Variants in AGMO observed in about 807,000 individuals in gnomAD.
The protein encoded by AGMO is alkylglycerol monooxygenase.
AGMO carries 75 observed loss-of-function variants against 60.2 expected under a neutral mutation model. That is an observed-to-expected ratio of 1.25 (90% confidence interval 1.03 to 1.51). The LOEUF is 1.51. Among genes scored for constraint, AGMO ranks in the 40% most tolerant of loss-of-function variants. AGMO has a pLI of 0.00. For missense variants in AGMO, 763 were observed against 525.5 expected (o/e 1.45, Z -4.42); for synonymous variants, 261 against 177.1 (o/e 1.47, Z -3.76).
chr7:15,211,419 G>A (rs1781585332), intron 12 of AGMO, among the ~76,000 whole-genome samples: 1 of 151,910 alleles, frequency 6.6e-6, no homozygotes, highest in South Asian at 2.1e-4. Context: ...TAAAGCTGCG[G>A]CTATATGATA....
intron 12 of AGMO, among the ~76,000 whole-genome samples, chr7:15,273,056 A>T (rs1016353543): frequency 5.3e-5 from 8 of 151,810 alleles, no homozygotes; most frequent in African/African-American, 1.7e-4. Flanking sequence ...GATTGCAAAA[A>T]TTTTCTCCCA....
intron 12 of AGMO, among the ~76,000 whole-genome samples, chr7:15,232,017 C>T (rs899603308): frequency 1.3e-5 from 2 of 152,098 alleles, no homozygotes; most frequent in African/African-American, 2.4e-5. Context: ...CATATTTCTC[C>T]CCAAAGTCAT....
intron 12 of AGMO, among the ~76,000 whole-genome samples, chr7:15,349,641 G>C (rs1343178122): frequency 6.6e-6 from 1 of 152,048 alleles, no homozygotes; most frequent in Non-Finnish European, 1.5e-5. Flanking sequence ...CTGCTATGAA[G>C]AAAAATACTC....
intron 12 of AGMO, among the ~76,000 whole-genome samples, chr7:15,208,272 A>G (rs1259190351): frequency 6.6e-6 from 1 of 152,184 alleles, no homozygotes; most frequent in Admixed American, 6.5e-5. Flanking sequence ...TCAAATTAAT[A>G]AAGGACCAAA....
chr7:15,426,360 A>T (rs1432641505), intron 4 of AGMO, among the ~76,000 whole-genome samples: 1 of 152,188 alleles, frequency 6.6e-6, no homozygotes, highest in African/African-American at 2.4e-5. Flanking sequence ...GAAAGTTTAT[A>T]GGCCAACATA....
chr7:15,344,625 G>T (rs751059125), intron 12 of AGMO, among the ~76,000 whole-genome samples: 1 of 152,128 alleles, frequency 6.6e-6, no homozygotes, highest in Non-Finnish European at 1.5e-5. Context: ...TGGAGCTTGG[G>T]AAGTTGAGGC....
Position 15,351,205 on chromosome 7 carries a change from G to A in AGMO, c.1263+14309C>T, listed in dbSNP as rs77422975. ...GGCAAATGTCTGCATAATGGGAAAG[G>A]GTCCTCATGAAAATGCAAATTTAAA... On this transcript the variant is annotated intron_variant, in intron 12 of 12. Transcript: ENST00000342526. 1.9e-3 allele frequency among the ~76,000 whole-genome samples: 290 copies of A among 152,034 alleles called. 5 individuals are homozygous for A. In the East Asian group the frequency reaches 0.047, roughly 25 times the overall value.
intron 12 of AGMO, among the ~76,000 whole-genome samples, chr7:15,235,526 T>C (rs1438101959): frequency 2.0e-5 from 3 of 152,180 alleles, no homozygotes; most frequent in Non-Finnish European, 4.4e-5. Flanking sequence ...ATGCTGTTCA[T>C]AGACGACTAA....
intron 12 of AGMO, among the ~76,000 whole-genome samples, chr7:15,304,320 C>T (rs1466825277): frequency 6.6e-6 from 1 of 152,090 alleles, no homozygotes; most frequent in Non-Finnish European, 1.5e-5. Flanking sequence ...AGGTCTTCTC[C>T]ACAGAGCCCC....
intron 3 of AGMO, among the ~76,000 whole-genome samples, chr7:15,538,334 G>T (rs1476230251): frequency 6.6e-6 from 1 of 152,100 alleles, no homozygotes; most frequent in Non-Finnish European, 1.5e-5. Flanking sequence ...CTGGGCTCAG[G>T]TGATCTTACT....
intron 12 of AGMO, among the ~76,000 whole-genome samples, chr7:15,260,941 G>A (rs1049830251): frequency 1.3e-5 from 2 of 151,766 alleles, no homozygotes; most frequent in African/African-American, 4.8e-5. Context: ...AAATCAAGAT[G>A]GAAATAAAAA....
chr7:15,439,840 G>C (rs1364990530), intron 3 of AGMO, among the ~76,000 whole-genome samples: 1 of 152,158 alleles, frequency 6.6e-6, no homozygotes, highest in Non-Finnish European at 1.5e-5. Flanking sequence ...CAAGGAGGAA[G>C]AGCAAGAACT....
At chr7:15,354,461 CGTGTGTGTAT>C (rs1782422995) in intron 12 of AGMO, among the ~76,000 whole-genome samples, 1 of 16,422 alleles carries the variant, frequency 6.1e-5, no homozygotes, top group Non-Finnish European at 9.9e-5. Flanking sequence ...TGTATACACA[CGTGTGTGTAT>C]ACACACGTGT....
intron 12 of AGMO, among the ~76,000 whole-genome samples, chr7:15,325,542 T>C (rs567939139): frequency 1.2e-4 from 18 of 152,228 alleles, no homozygotes; most frequent in Admixed American, 5.9e-4. Context: ...TACACACCTA[T>C]ACATGCACAC....
chr7:15,136,720 A>C, the AGMO span, among the ~76,000 whole-genome samples: 3 of 151,978 alleles, frequency 2.0e-5, no homozygotes, highest in Non-Finnish European at 4.4e-5. Context: ...AATTCCTAAT[A>C]GGACCGCCTT....
chr7:15,313,779 T>A (rs534377117), intron 12 of AGMO, among the ~76,000 whole-genome samples: 181 of 152,028 alleles, frequency 1.2e-3, no homozygotes, highest in African/African-American at 4.2e-3. Context: ...TAAAGTTTAA[T>A]TTATAGACAT....
At chr7:15,392,557 T>G (rs562825948) in intron 6 of AGMO, among the ~76,000 whole-genome samples, 1 of 152,054 alleles carries the variant, frequency 6.6e-6, no homozygotes, top group African/African-American at 2.4e-5. Flanking sequence ...TCCCAGCACT[T>G]TGGGAGGCCA....
intron 4 of AGMO, among the ~76,000 whole-genome samples, chr7:15,423,791 A>G (rs2128495916): frequency 6.6e-6 from 1 of 152,204 alleles, no homozygotes; most frequent in African/African-American, 2.4e-5. Context: ...GCAAACCACC[A>G]GTATTTAGGT....
At chr7:15,216,045 C>T (rs1304552120) in intron 12 of AGMO, among the ~76,000 whole-genome samples, 1 of 152,000 alleles carries the variant, frequency 6.6e-6, no homozygotes, top group Non-Finnish European at 1.5e-5. Flanking sequence ...CTGAGGTGAG[C>T]CAGTCAGCTC....
Sources: gnomAD v4.1 joint callset for allele counts (sites outside exome capture counted in the v4.1 genomes callset) on GRCh38, gnomAD v4.1.1 for gene constraint, MANE v1.5 for transcripts, NCBI Gene and HGNC (gene_info 2026-07-23, HGNC 2026-07-21) for gene names.